SLC16A9: variants seen among roughly 807,000 people sequenced by gnomAD.
SLC16A9 encodes the protein monocarboxylate transporter 9.
In SLC16A9, 26 loss-of-function variants were observed where a neutral mutation model predicts 44.3. That is an observed-to-expected ratio of 0.59 (90% CI 0.43 to 0.81). SLC16A9 has a LOEUF of 0.81. SLC16A9 is among the 40% of genes least tolerant of loss of function. The probability of loss-of-function intolerance (pLI) is 0.00; values close to 1 mark genes in which losing one functional copy is unlikely to be tolerated. For missense variants in SLC16A9, 559 were observed against 595.8 expected, an observed-to-expected ratio of 0.94 and a Z score of 0.64; for synonymous variants, 230 against 225.1, an observed-to-expected ratio of 1.02 and a Z score of -0.19.
intron 1 of SLC16A9, among the ~76,000 whole-genome samples, chr10:59,689,055 G>A (rs369508415): frequency 1.3e-5 from 2 of 152,084 alleles, no homozygotes; most frequent in African/African-American, 4.8e-5. Flanking sequence ...ATTTAAGAGA[G>A]CAAACCTTGG....
At position 59,652,865 on chromosome 10, in the gene SLC16A9, C is replaced by T; in HGVS notation, c.1437G>A (p.Leu479=). The T allele has an allele frequency of 6.2e-7, 1 of 1,613,898 alleles. No individual in the cohort carries two copies. The highest frequency in any genetic ancestry group is 8.5e-7 in the Non-Finnish European group (1 of 1,179,944). The change falls in exon 6 of 6, where the codon CTG becomes CTA. Residue 479 remains leucine (L), a synonymous_variant. Transcript: ENST00000395348. ...FCVLLGGFIL[L]LAALPSWDTC... Reference sequence around the variant, plus strand: ...TATCCCAAGAGGGCAAGGCTGCCAGCAGCAGAATAAAACCTCCCAGCAGGA... The same window carrying T: ...TATCCCAAGAGGGCAAGGCTGCCAGTAGCAGAATAAAACCTCCCAGCAGGA...
At chr10:59,674,921 A>G (rs1409715801) in intron 2 of SLC16A9, among the ~76,000 whole-genome samples, 1 of 152,240 alleles carries the variant, frequency 6.6e-6, no homozygotes, top group Non-Finnish European at 1.5e-5. Context: ...GCTGTATGAA[A>G]TATACAGCAT....
chr10:59,674,344 G>T (rs536720756), intron 2 of SLC16A9, among the ~76,000 whole-genome samples: 2 of 151,948 alleles, frequency 1.3e-5, no homozygotes, highest in African/African-American at 2.4e-5. Context: ...CCAGTTTATG[G>T]CCCCTGAGAT....
chr10:59,685,977 CTT>C (rs11313249), intron 1 of SLC16A9, among the ~76,000 whole-genome samples: 165 of 140,858 alleles, frequency 1.2e-3, no homozygotes, highest in Admixed American at 1.3e-3. Flanking sequence ...GCATTTCTTT[CTT>C]TTTTTTTTTT....
intron 1 of SLC16A9, among the ~76,000 whole-genome samples, chr10:59,696,304 CTG>C (rs1840372758): frequency 6.6e-6 from 1 of 152,226 alleles, no homozygotes; most frequent in Admixed American, 6.5e-5. Context: ...GGGGGTTTCG[CTG>C]TGTTGGCTGG....
chr10:59,662,495 C>CGTG (rs1462679463), intron 4 of SLC16A9, among the ~76,000 whole-genome samples: 1 of 151,358 alleles, frequency 6.6e-6, no homozygotes, highest in African/African-American at 2.4e-5. Context: ...ATTAGCTGGG[C>CGTG]GTGGTGGCAG....
intron 1 of SLC16A9, among the ~76,000 whole-genome samples, chr10:59,689,121 G>A (rs867769060): frequency 6.6e-6 from 1 of 152,102 alleles, no homozygotes; most frequent in Non-Finnish European, 1.5e-5. Context: ...TTTTTATAGC[G>A]ATGACTAACA....
At chr10:59,654,624 T>A in intron 4 of SLC16A9, 35 bp from the exon 5 acceptor site, 1 of 1,485,254 alleles carries the variant, frequency 6.7e-7, no homozygotes, top group Non-Finnish European at 8.9e-7. Context: ...AACCTCGTAA[T>A]CTGAGGCTCT....
Position 59,651,762 on chromosome 10 carries a change from A to AGC in SLC16A9, c.*1008_*1009dup, listed in dbSNP as rs1554865121. 1.4e-5 allele frequency: 1 copy of AGC among 72,942 alleles called. No homozygotes were observed. The highest frequency in any genetic ancestry group is 3.1e-5 in the Non-Finnish European group (1 of 32,708). 4.5% of individuals were successfully genotyped at this position (72,942 alleles called of 1,614,324 possible). A position where few individuals can be genotyped will look rare whatever the true frequency, so the allele number is the denominator to read the frequency against. ...TCCCATGCAGACTTAGAGCATGCAT[A>AGC]GCACACACACACACACACACACACA... is the stretch of plus-strand genomic sequence containing the variant. On this transcript the variant is annotated 3_prime_UTR_variant, in exon 6 of 6. Coordinates refer to ENST00000395348, the MANE Select transcript of SLC16A9 (RefSeq NM_194298.3).
intron 1 of SLC16A9, among the ~76,000 whole-genome samples, chr10:59,694,023 C>T (rs2132521091): frequency 6.6e-6 from 1 of 151,950 alleles, no homozygotes; most frequent in Non-Finnish European, 1.5e-5. Flanking sequence ...CCACAAGCTC[C>T]GCCTCCCGGG....
At chr10:59,694,012 A>G (rs879710807) in intron 1 of SLC16A9, among the ~76,000 whole-genome samples, 1 of 150,998 alleles carries the variant, frequency 6.6e-6, no homozygotes, top group Admixed American at 6.6e-5. Context: ...ATCTCGGCTC[A>G]CCACAAGCTC....
chr10:59,704,522 T>G (rs1036460884), intron 1 of SLC16A9, among the ~76,000 whole-genome samples: 1 of 152,150 alleles, frequency 6.6e-6, no homozygotes, highest in African/African-American at 2.4e-5. Flanking sequence ...AAAGTGAAAA[T>G]AGCAGAATCT....
At chr10:59,664,703 C>T (rs1839568837) in intron 3 of SLC16A9, among the ~76,000 whole-genome samples, 2 of 152,148 alleles carry the variant, frequency 1.3e-5, no homozygotes, top group African/African-American at 4.8e-5. Context: ...GCCCCCAGCT[C>T]AGTGTTCTTC....
chr10:59,664,297 A>AGCT lies in SLC16A9; in HGVS notation c.365_366insAGC (p.Ala123dup). 6.2e-7 allele frequency: 1 copy of AGCT among 1,611,696 alleles called. No individual in the cohort carries two copies. Among genetic ancestry groups the AGCT allele is most frequent in the Non-Finnish European group, 8.5e-7 (1 of 1,178,610 alleles). Reference sequence around the variant, plus strand: ...ACTGGCACGTAATGGTCACTGTTGCAGTGTATAATAAACCACATCCAAGAC... The same window carrying AGCT: ...ACTGGCACGTAATGGTCACTGTTGCAGCTGTGTATAATAAACCACATCCAAGAC... On this transcript the variant is annotated inframe_insertion, in exon 4 of 6. Transcript: ENST00000395348.
intron 1 of SLC16A9, among the ~76,000 whole-genome samples, chr10:59,686,903 A>C (rs1443680072): frequency 6.6e-6 from 1 of 152,194 alleles, no homozygotes; most frequent in African/African-American, 2.4e-5. Context: ...CTGCAAGACC[A>C]GTGTCAGGCA....
In SLC16A9 at chr10:59,681,584, G is replaced by GTATGTA. The variant is rs199820860; in HGVS notation, c.196+2506_196+2511dup. 4.9e-3 allele frequency among the ~76,000 whole-genome samples: 24 copies of GTATGTA among 4,892 alleles called. 11 individuals carry two copies. The highest frequency in any genetic ancestry group is 9.0e-3 in the African/African-American group (24 of 2,656). 3.2% of individuals were successfully genotyped at this position (4,892 alleles called of 152,430 possible). A position where few individuals can be genotyped will look rare whatever the true frequency, so the allele number is the denominator to read the frequency against. On this transcript the variant is annotated intron_variant, in intron 2 of 5. Coordinates refer to ENST00000395348, the MANE Select transcript of SLC16A9 (RefSeq NM_194298.3). ...ATGATGTATATGTATATGTGTATGT[G>GTATGTA]TATGTATATGTATATGTATATGTAT...
intron 1 of SLC16A9, among the ~76,000 whole-genome samples, chr10:59,687,187 G>A (rs1840153619): frequency 6.6e-6 from 1 of 152,216 alleles, no homozygotes; most frequent in African/African-American, 2.4e-5. Context: ...TTACAGGCAT[G>A]AGCCACCGTG....
intron 1 of SLC16A9, among the ~76,000 whole-genome samples, chr10:59,691,963 C>G (rs1840262634): frequency 6.6e-6 from 1 of 152,196 alleles, no homozygotes; most frequent in South Asian, 2.1e-4. Context: ...TTTCAGCTGA[C>G]AGTTTCCTGT....
At chr10:59,706,481 G>A (rs1342772308) in intron 1 of SLC16A9, among the ~76,000 whole-genome samples, 3 of 152,154 alleles carry the variant, frequency 2.0e-5, no homozygotes, top group Non-Finnish European at 4.4e-5. Flanking sequence ...ACTACCATAT[G>A]ATCCAGCAAT....
Sources: allele counts gnomAD v4.1 joint callset (sites outside exome capture counted in the v4.1 genomes callset), GRCh38; gene constraint gnomAD v4.1.1; transcripts MANE v1.5; gene names NCBI Gene and HGNC (gene_info 2026-07-23, HGNC 2026-07-21).